The following PRKG1 variants were observed in gnomAD, a reference collection of about 807,000 sequenced individuals.
PRKG1 encodes the protein protein kinase cGMP-dependent 1.
Under a neutral mutation model 88.1 loss-of-function variants are expected in PRKG1, and 35 were observed. The observed-to-expected ratio is 0.40, with a 90% confidence interval of 0.30 to 0.53. PRKG1 has a LOEUF of 0.53. Ranked by LOEUF, PRKG1 falls within the 20% of genes least tolerant of loss-of-function variation. PRKG1 has a pLI of 0.59. For synonymous variants in PRKG1, 303 were observed against 292.5 expected, an observed-to-expected ratio of 1.04 and a Z score of -0.37; for missense variants, 540 against 839.8, an observed-to-expected ratio of 0.64 and a Z score of 4.41.
chr10:51,670,243 T>C (rs1013165079), intron 3 of PRKG1, among the ~76,000 whole-genome samples: 1 of 152,086 alleles, frequency 6.6e-6, no homozygotes, highest in Non-Finnish European at 1.5e-5. Context: ...AAACAGCCCA[T>C]AGTATATTTT....
intron 3 of PRKG1, among the ~76,000 whole-genome samples, chr10:51,505,241 G>T (rs1210826346): frequency 3.9e-5 from 6 of 152,068 alleles, no homozygotes; most frequent in Non-Finnish European, 8.8e-5. Context: ...ATGTGGTTTT[G>T]TCGTTGGTTC....
chr10:52,062,753 C>T, intron 7 of PRKG1, 122 bp downstream of exon 7: 1 of 759,186 alleles, frequency 1.3e-6, no homozygotes, highest in South Asian at 1.4e-5. Context: ...CAAATATGGA[C>T]CCTTGATGAT....
chr10:51,554,992 T>C (rs1837273739), intron 3 of PRKG1, among the ~76,000 whole-genome samples: 1 of 151,972 alleles, frequency 6.6e-6, no homozygotes, highest in Admixed American at 6.6e-5. Flanking sequence ...TTGTTAAACA[T>C]GCTCTTTATG....
At chr10:52,291,696 A>G (rs1487352333) in intron 17 of PRKG1, among the ~76,000 whole-genome samples, 3 of 152,036 alleles carry the variant, frequency 2.0e-5, no homozygotes, top group Non-Finnish European at 4.4e-5. Context: ...TATTGTGAAT[A>G]GTGCCGCAAT....
chr10:51,933,201 C>G (rs1489700327), intron 5 of PRKG1, among the ~76,000 whole-genome samples: 1 of 152,100 alleles, frequency 6.6e-6, no homozygotes, highest in African/African-American at 2.4e-5. Flanking sequence ...CTCCTGTATT[C>G]TGGCCAGCTC....
At chr10:51,358,084 C>T (rs1022919140) in intron 2 of PRKG1, among the ~76,000 whole-genome samples, 7 of 151,682 alleles carry the variant, frequency 4.6e-5, no homozygotes, top group Admixed American at 3.9e-4. Flanking sequence ...TTCTTTAGGT[C>T]GGGAATTTGT....
intron 4 of PRKG1, among the ~76,000 whole-genome samples, chr10:51,874,136 G>A (rs1054627326): frequency 2.0e-5 from 3 of 152,150 alleles, no homozygotes; most frequent in African/African-American, 7.2e-5. Flanking sequence ...CTTGATTACT[G>A]GGCATAGAGT....
chr10:51,055,083 A>G (rs1037731358), intron 1 of PRKG1, among the ~76,000 whole-genome samples: 2 of 152,174 alleles, frequency 1.3e-5, no homozygotes, highest in African/African-American at 4.8e-5. Context: ...AGTATAATAC[A>G]CACACTTCCC....
intron 12 of PRKG1, among the ~76,000 whole-genome samples, chr10:52,279,468 G>C (rs975086968): frequency 6.6e-6 from 1 of 152,090 alleles, no homozygotes; most frequent in African/African-American, 2.4e-5. Context: ...CTTAGGAAAA[G>C]CTGGTTATTT....
chr10:51,944,374 T>C (rs1462353222), intron 5 of PRKG1, among the ~76,000 whole-genome samples: 1 of 152,112 alleles, frequency 6.6e-6, no homozygotes, highest in Non-Finnish European at 1.5e-5. Flanking sequence ...GTTAGCAGTC[T>C]ATCAATTTTG....
intron 5 of PRKG1, among the ~76,000 whole-genome samples, chr10:51,949,636 G>A (rs369527808): frequency 2.6e-5 from 4 of 152,116 alleles, no homozygotes; most frequent in African/African-American, 4.8e-5. Flanking sequence ...AGATAAGATT[G>A]GCTAGAGTAC....
At chr10:51,628,114 C>T (rs940863215) in intron 3 of PRKG1, among the ~76,000 whole-genome samples, 13 of 121,934 alleles carry the variant, frequency 1.1e-4, no homozygotes, top group Admixed American at 7.3e-4. Context: ...TTCTTTCCTT[C>T]TTTATTTCTC....
At chr10:51,860,873 A>G (rs1179387259) in intron 4 of PRKG1, among the ~76,000 whole-genome samples, 1 of 152,174 alleles carries the variant, frequency 6.6e-6, no homozygotes, top group Non-Finnish European at 1.5e-5. Context: ...GGGTCTAAGT[A>G]ATGGTTCAGC....
rs1398681096 is a variant in PRKG1 at position 52,297,343 on chromosome 10, G to T, written c.*3443G>T. The T allele has an allele frequency of 2.0e-5, 3 of 151,830 alleles. No homozygotes were observed. Among genetic ancestry groups the T allele is most frequent in the Non-Finnish European group, 4.4e-5 (3 of 67,976 alleles). 9.4% of individuals were successfully genotyped at this position (151,830 alleles called of 1,614,324 possible). A position where few individuals can be genotyped will look rare whatever the true frequency, so the allele number is the denominator to read the frequency against. On this transcript the variant is annotated 3_prime_UTR_variant, in exon 18 of 18. Transcript: ENST00000373980. ...GTTTAGAACATGACCTGGCTATCTG[G>T]CATTGTTGCAAGTGCCTTAAATTCA...
intron 5 of PRKG1, among the ~76,000 whole-genome samples, chr10:51,982,122 TG>T (rs1397575596): frequency 1.3e-5 from 2 of 152,382 alleles, no homozygotes; most frequent in Non-Finnish European, 2.9e-5. Flanking sequence ...TACTTGTGAT[TG>T]CATTATAAAA....
intron 3 of PRKG1, among the ~76,000 whole-genome samples, chr10:51,487,579 G>A (rs1021413199): frequency 6.6e-6 from 1 of 152,058 alleles, no homozygotes; most frequent in Non-Finnish European, 1.5e-5. Context: ...GTTGAGGATG[G>A]GCTGGACCTC....
At position 51,724,801 on chromosome 10, in the gene PRKG1, G is replaced by A. The variant is rs187830915; in HGVS notation, c.593-79784G>A. Among the ~76,000 whole-genome samples the A allele has an allele frequency of 5.2e-3, 786 of 149,982 alleles. 7 individuals carry two copies. Among genetic ancestry groups the A allele is most frequent in the African/African-American group, 0.018 (725 of 40,804 alleles). On this transcript the variant is annotated intron_variant, in intron 3 of 17. Coordinates refer to ENST00000373980, the MANE Select transcript of PRKG1 (RefSeq NM_006258.4). ...CCTCAACTTCCTGGGCTCTCAATCC[G>A]TCCTCCTGCCTCAGCCTGAGTAGCT... is the stretch of plus-strand genomic sequence containing the variant.
intron 3 of PRKG1, among the ~76,000 whole-genome samples, chr10:51,572,316 A>C (rs1321978286): frequency 6.6e-6 from 1 of 151,848 alleles, no homozygotes; most frequent in Non-Finnish European, 1.5e-5. Context: ...GTGCTTTAAG[A>C]ATCACCTTAC....
At chr10:51,638,836 CTAAT>C (rs1201949209) in intron 3 of PRKG1, among the ~76,000 whole-genome samples, 23 of 152,018 alleles carry the variant, frequency 1.5e-4, no homozygotes, top group Admixed American at 1.4e-3. Context: ...AGTCAACTAA[CTAAT>C]TAAGGTTAAG....
Sources: allele counts gnomAD v4.1 joint callset (sites outside exome capture counted in the v4.1 genomes callset), GRCh38; gene constraint gnomAD v4.1.1; transcripts MANE v1.5; gene names NCBI Gene and HGNC (gene_info 2026-07-23, HGNC 2026-07-21).